The following C20orf173 variants were observed in gnomAD, a reference collection of about 807,000 sequenced individuals.
C20orf173 encodes the protein chromosome 20 open reading frame 173, also known as uncharacterized protein C20orf173.
In C20orf173, 22 loss-of-function variants were observed where a neutral mutation model predicts 26.7. The observed-to-expected ratio is 0.82, with a 90% CI of 0.59 to 1.18. The LOEUF is 1.18. Ranked by LOEUF, C20orf173 falls within the 50% of genes most tolerant of loss-of-function variation. C20orf173 has a pLI of 0.00. For synonymous variants in C20orf173, 85 were observed against 96.4 expected, an observed-to-expected ratio of 0.88 and a Z score of 0.69; for missense variants, 210 against 250.3, an observed-to-expected ratio of 0.84 and a Z score of 1.09.
At chr20:35,525,128 A>G (rs750115938), downstream of C20orf173, among the ~76,000 whole-genome samples, 2 of 151,912 alleles carry the variant, frequency 1.3e-5, no homozygotes, top group Non-Finnish European at 2.9e-5. Flanking sequence ...AAAAATCTTT[A>G]TGTTCTCACC....
In C20orf173 at chr20:35,528,754, G is replaced by T. The variant is rs1289454697; in HGVS notation, c.435C>A (p.Ile145=). The change falls in exon 3 of 6, where the codon ATC becomes ATA. Residue 145 remains isoleucine, a synonymous_variant. Transcript: ENST00000444723. ...CGTTGCCAAGGCTGGAGCCCTGCGG[G>T]ATCTGTGGGCGCCCCAACAGCACAC... The part of the protein sequence containing the change: ...GTCVLLGRPQ[I]PQGSSLGNDI... 7 of 1,547,770 alleles carry T rather than the reference G, an allele frequency of 4.5e-6. No individual in the cohort carries two copies. The highest frequency in any genetic ancestry group is 4.9e-5 in the East Asian group (2 of 40,894).
chr20:35,529,025 A>G, intron 2 of C20orf173, 40 bp downstream of exon 2: 1 of 1,540,040 alleles, frequency 6.5e-7, no homozygotes, highest in Non-Finnish European at 8.8e-7. Flanking sequence ...AGGCCCGGAA[A>G]GCATGGGGGA....
chr20:35,528,969 G>C (rs1442923965), intron 2 of C20orf173, 90 bp from the exon 3 acceptor site: 1 of 1,539,324 alleles, frequency 6.5e-7, no homozygotes, highest in African/African-American at 1.4e-5. Flanking sequence ...AGGCTGTGAA[G>C]ACAGGGCCAA....
downstream of C20orf173, among the ~76,000 whole-genome samples, chr20:35,525,421 G>A (rs1038242492): frequency 8.5e-5 from 13 of 152,148 alleles, no homozygotes; most frequent in East Asian, 1.9e-4. Flanking sequence ...GCGTAGTGGC[G>A]GGCACCTGTA....
In C20orf173 at chr20:35,529,327, A is replaced by C; in HGVS notation, c.47T>G (p.Ile16Ser). Residue 16 changes from isoleucine to serine, a missense_variant, in exon 2 of 6, where the codon ATC becomes AGC. By Grantham distance (142) the Ile-to-Ser change is moderately radical (BLOSUM62 -2). Coordinates refer to ENST00000444723, the MANE Select transcript of C20orf173 (RefSeq NM_001145350.2). ...IFVLWVFWVLILWLMTPYLDL... is the reference protein window; with the variant it reads ...IFVLWVFWVLSLWLMTPYLDL... ...CAGATAGGGGGTCATCAGCCAGAGGATGAGCACCCAAAAGACCCACAGGAC... is the reference window on the plus strand; with the variant it reads ...CAGATAGGGGGTCATCAGCCAGAGGCTGAGCACCCAAAAGACCCACAGGAC... 2 of 1,550,378 alleles carry C rather than the reference A, an allele frequency of 1.3e-6. No individual in the cohort carries two copies. The highest frequency in any genetic ancestry group is 1.7e-4 in the Middle Eastern group (1 of 5,992).
intron 5 of C20orf173, 49 bp downstream of exon 5, chr20:35,528,184 C>A: frequency 6.6e-7 from 1 of 1,517,694 alleles, no homozygotes; most frequent in Non-Finnish European, 9.0e-7. Flanking sequence ...GGGGCCCTTC[C>A]CACAGCAACC....
rs372987976 is a variant in C20orf173 at position 35,529,241 on chromosome 20, C to T, written c.133G>A (p.Asp45Asn). The T allele has an allele frequency of 7.7e-6, 12 of 1,551,548 alleles. No homozygotes were observed. The highest frequency in any genetic ancestry group is 6.8e-5 in the African/African-American group (5 of 73,030). ...TTCCCGGAACTGAACCAAGGGCAGT[C>T]GCAATGCTGTGGTACCAAGTACATT... ...KRMYLVPQHC[D>N]CPWFSSGKCG... Residue 45 changes from aspartate (D) to asparagine (N), a missense_variant, in exon 2 of 6, where the codon GAC becomes AAC. Coordinates refer to ENST00000444723, the MANE Select transcript of C20orf173 (RefSeq NM_001145350.2).
At chr20:35,527,575 T>C (rs1001179914) in intron 5 of C20orf173, among the ~76,000 whole-genome samples, 1 of 151,474 alleles carries the variant, frequency 6.6e-6, no homozygotes, top group Non-Finnish European at 1.5e-5. Context: ...GAGCCCATTA[T>C]GGGAGCCTGG....
chr20:35,528,778 A>C lies in C20orf173; in HGVS notation c.411T>G (p.Cys137Trp). 7 of 1,550,768 alleles carry C rather than the reference A, an allele frequency of 4.5e-6. No homozygotes were observed. Among genetic ancestry groups the C allele is most frequent in the Non-Finnish European group, 5.2e-6 (6 of 1,146,744 alleles). ...VSHFDFYCGT[C>W]VLLGRPQIPQ... ...GGATCTGTGGGCGCCCCAACAGCAC[A>C]CAAGTCCCACAATAGAAATCAAAAT... The change falls in exon 3 of 6, where the codon TGT becomes TGG. Residue 137 changes from cysteine to tryptophan, a missense_variant. By Grantham distance (215) the Cys-to-Trp change is radical. Transcript: ENST00000444723.
chr20:35,527,964 C>T (rs1244499468), intron 5 of C20orf173, among the ~76,000 whole-genome samples: 1 of 152,164 alleles, frequency 6.6e-6, no homozygotes, highest in Non-Finnish European at 1.5e-5. Context: ...CATGTAGAGT[C>T]TTGAAAGCCA....
chr20:35,528,367 G>T, intron 4 of C20orf173, 83 bp from the exon 5 acceptor site: 3 of 1,547,298 alleles, frequency 1.9e-6, no homozygotes, highest in Admixed American at 3.9e-5. Flanking sequence ...CCAATAGAAG[G>T]TCTTCCCAGA....
chr20:35,524,031 TG>T (rs2064489629), downstream of C20orf173, among the ~76,000 whole-genome samples: 10 of 152,044 alleles, frequency 6.6e-5, no homozygotes, highest in Non-Finnish European at 1.0e-4. Context: ...TGTTTTTTTG[TG>T]GTTTTTGTTT....
intron 5 of C20orf173, among the ~76,000 whole-genome samples, chr20:35,527,522 C>T (rs2064511342): frequency 6.6e-6 from 1 of 152,068 alleles, no homozygotes; most frequent in Non-Finnish European, 1.5e-5. Context: ...CGGAATGGTG[C>T]GAGAGAAGGC....
chr20:35,527,627 T>TTTC (rs2064512291), intron 5 of C20orf173, among the ~76,000 whole-genome samples: 2 of 147,342 alleles, frequency 1.4e-5, no homozygotes, highest in Non-Finnish European at 1.5e-5. Flanking sequence ...TGTATAGTCT[T>TTTC]TTTTTTTTCT....
chr20:35,525,731 T>A (rs1265537641), downstream of C20orf173, among the ~76,000 whole-genome samples: 1 of 152,150 alleles, frequency 6.6e-6, no homozygotes, highest in African/African-American at 2.4e-5. Context: ...TAGCAAACTG[T>A]ATTGAAGCAG....
Position 35,528,801 on chromosome 20 carries a change from A to T in C20orf173, c.388T>A (p.Phe130Ile). The T allele has an allele frequency of 6.5e-7, 1 of 1,550,342 alleles. No individual in the cohort carries two copies. Among genetic ancestry groups the T allele is most frequent in the Non-Finnish European group, 8.7e-7 (1 of 1,146,574 alleles). ...ACACAAGTCCCACAATAGAAATCAA[A>T]ATGGCTCACCGAGAGCCTGGGAATC... ...KGIPRLSVSHFDFYCGTCVLL... is the reference protein window; with the variant it reads ...KGIPRLSVSHIDFYCGTCVLL... Residue 130 changes from phenylalanine to isoleucine, a missense_variant, in exon 3 of 6, where the codon TTT becomes ATT. Physicochemically the swap from Phe to Ile is conservative, Grantham distance 21. Coordinates refer to ENST00000444723, the MANE Select transcript of C20orf173 (RefSeq NM_001145350.2).
At chr20:35,521,432 C>T (rs370185199), downstream of C20orf173, among the ~76,000 whole-genome samples, 1 of 151,944 alleles carries the variant, frequency 6.6e-6, no homozygotes, top group Non-Finnish European at 1.5e-5. Context: ...GCATTCCAGG[C>T]AGAGGGAGCA....
chr20:35,528,468 C>T lies in C20orf173; in HGVS notation c.565G>A (p.Asp189Asn). 1 of 1,551,746 alleles carries T rather than the reference C, an allele frequency of 6.4e-7. No homozygotes were observed. The highest frequency in any genetic ancestry group is 8.7e-7 in the Non-Finnish European group (1 of 1,146,990). ...TCCATCACCTTATCACTTAGAGCAT[C>T]TGAAGTCCACACCAGGTCAGAGAGC... Reference protein sequence around the residue: ...RKLSDLVWTSDALSDKILEDG... With the variant: ...RKLSDLVWTSNALSDKILEDG... The change falls in exon 4 of 6, where the codon GAT (aspartate) becomes AAT (asparagine). Residue 189 changes from aspartate (D) to asparagine (N), a missense_variant. Coordinates refer to ENST00000444723, the MANE Select transcript of C20orf173 (RefSeq NM_001145350.2).
At chr20:35,529,494 C>G in intron 1 of C20orf173, 65 bp downstream of exon 1, 1 of 868,976 alleles carries the variant, frequency 1.2e-6, no homozygotes, top group South Asian at 1.8e-5. Context: ...TCCACAACTC[C>G]CCATCCCACC....
Sources: gnomAD v4.1 joint callset for allele counts (sites outside exome capture counted in the v4.1 genomes callset) on GRCh38, gnomAD v4.1.1 for gene constraint, MANE v1.5 for transcripts, NCBI Gene and HGNC (gene_info 2026-07-23, HGNC 2026-07-21) for gene names.